The following LUC7L2 variants were observed in gnomAD, a reference collection of about 807,000 sequenced individuals.
LUC7L2 encodes the protein putative RNA-binding protein Luc7-like 2.
Under a neutral mutation model 52.8 loss-of-function variants are expected in LUC7L2, and 25 were observed. That is an observed-to-expected ratio of 0.47 (90% CI 0.34 to 0.66). The LOEUF is 0.66. Among genes scored for constraint, LUC7L2 ranks in the 30% least tolerant of loss-of-function variants. The probability of loss-of-function intolerance (pLI) is 0.01; values close to 1 mark genes in which losing one functional copy is unlikely to be tolerated. For synonymous variants in LUC7L2, 144 were observed against 160.9 expected (o/e 0.89, Z 0.80); for missense variants, 328 against 497.8 (o/e 0.66, Z 3.25).
intron 1 of LUC7L2, among the ~76,000 whole-genome samples, chr7:139,353,357 GTTAC>G (rs2131160436): frequency 6.6e-6 from 1 of 152,276 alleles, no homozygotes; most frequent in South Asian, 2.1e-4. Context: ...AGCAAAACAT[GTTAC>G]TTGTACCTAT....
intron 1 of LUC7L2, among the ~76,000 whole-genome samples, chr7:139,340,831 C>CTTT (rs112287672): frequency 3.4e-5 from 5 of 145,258 alleles, no homozygotes; most frequent in African/African-American, 7.6e-5. Context: ...GCCAACTTTA[C>CTTT]TTTTTTTTTT....
At chr7:139,418,713 C>G (rs542721502) in intron 9 of LUC7L2, among the ~76,000 whole-genome samples, 23 of 151,942 alleles carry the variant, frequency 1.5e-4, no homozygotes, top group African/African-American at 5.1e-4. Flanking sequence ...TTTAGTATTT[C>G]TTAAGGTGAT....
At position 139,406,965 on chromosome 7, in the gene LUC7L2, C is replaced by A. The variant is rs192524433; in HGVS notation, c.511-209C>A. On this transcript the variant is annotated intron_variant, in intron 5 of 9. Coordinates refer to ENST00000354926, the MANE Select transcript of LUC7L2 (RefSeq NM_016019.5). ...GATAGAGGATGGGGATAAAGGGAACCTATAATTTTCATAACAAAATAGCCA... is the reference window on the plus strand; with the variant it reads ...GATAGAGGATGGGGATAAAGGGAACATATAATTTTCATAACAAAATAGCCA... Among the ~76,000 whole-genome samples, 10 of 138,266 alleles carry A rather than the reference C, an allele frequency of 7.2e-5. No homozygotes were observed. In the East Asian group the frequency reaches 2.0e-3, roughly 28 times the overall value. The allele number at this position is 138,266 out of a possible 152,430, so 90.7% of individuals were successfully genotyped here.
intron 1 of LUC7L2, among the ~76,000 whole-genome samples, chr7:139,343,202 A>G (rs1025017929): frequency 3.3e-5 from 5 of 152,238 alleles, no homozygotes; most frequent in African/African-American, 1.2e-4. Context: ...TTGGGCTTAT[A>G]TATTAATAGA....
intron 1 of LUC7L2, among the ~76,000 whole-genome samples, chr7:139,369,754 T>G (rs1409724829): frequency 6.6e-6 from 1 of 152,204 alleles, no homozygotes; most frequent in African/African-American, 2.4e-5. Flanking sequence ...TTCTGGAGAT[T>G]TCTTCTACAG....
chr7:139,374,763 A>G (rs867928200), intron 1 of LUC7L2: 1 of 1,205,552 alleles, frequency 8.3e-7, no homozygotes, highest in Non-Finnish European at 1.0e-6. Context: ...CGTTAAAACA[A>G]TTTGAACAAA....
At chr7:139,347,097 T>C (rs1054379529) in intron 1 of LUC7L2, among the ~76,000 whole-genome samples, 10 of 152,196 alleles carry the variant, frequency 6.6e-5, no homozygotes, top group Non-Finnish European at 1.3e-4. Flanking sequence ...CAACACTTAT[T>C]TACCTTTGGC....
intron 2 of LUC7L2, among the ~76,000 whole-genome samples, chr7:139,384,241 T>G (rs1794090558): frequency 6.6e-6 from 1 of 151,760 alleles, no homozygotes; most frequent in Non-Finnish European, 1.5e-5. Context: ...AGATCTGATG[T>G]TTTTGGCATT....
intron 8 of LUC7L2, among the ~76,000 whole-genome samples, chr7:139,413,710 G>A (rs1795470070): frequency 2.0e-5 from 3 of 152,124 alleles, no homozygotes; most frequent in African/African-American, 7.2e-5. Flanking sequence ...CCCAGGAGGT[G>A]GAGGTTACAG....
At chr7:139,354,355 G>A (rs554654493) in intron 1 of LUC7L2, among the ~76,000 whole-genome samples, 2 of 152,074 alleles carry the variant, frequency 1.3e-5, no homozygotes, top group Admixed American at 6.6e-5. Context: ...CTGGCATGAT[G>A]GCATTTGTCA....
intron 4 of LUC7L2, among the ~76,000 whole-genome samples, chr7:139,404,282 G>A (rs1169226426): frequency 6.6e-6 from 1 of 152,156 alleles, no homozygotes; most frequent in Non-Finnish European, 1.5e-5. Context: ...GGCCAAGGTG[G>A]GTGGACCACT....
chr7:139,399,449 ATTTTTTTTTTTTTTTTTTTTTTTTTT>A (rs71169090), intron 3 of LUC7L2, among the ~76,000 whole-genome samples: 1 of 50,444 alleles, frequency 2.0e-5, no homozygotes, highest in Admixed American at 2.8e-4. Context: ...TGTTTGGGGG[ATTTTTTTTTTTTTTTTTTTTTTTTTT>A]TTTTTTTTTT....
At chr7:139,380,728 G>A (rs548489215) in intron 2 of LUC7L2, among the ~76,000 whole-genome samples, 1 of 152,194 alleles carries the variant, frequency 6.6e-6, no homozygotes, top group African/African-American at 2.4e-5. Flanking sequence ...TAGGCAGTAT[G>A]CCCTTTCAGA....
upstream of LUC7L2, chr7:139,359,573 GC>G (rs547519777): frequency 7.5e-4 from 276 of 368,446 alleles, 2 homozygotes; most frequent in African/African-American, 5.4e-3. Context: ...CTTACTTTCC[GC>G]CCAGGCTAAC....
rs372616311 is a variant in LUC7L2, at chr7:139,340,692, T to C, written c.-26+175T>C. 7.6e-6 allele frequency: 3 copies of C among 392,548 alleles called. No homozygotes were observed. In the South Asian group the frequency reaches 4.3e-4, roughly 56 times the overall value. The allele number at this position is 392,548 out of a possible 1,614,324, so 24.3% of individuals were successfully genotyped here. ...TGAATATGTTGTGTGAGCGCGTCGTTTGCAGAAGCCCCAGTGGCCTAATGG... is the reference window on the plus strand; with the variant it reads ...TGAATATGTTGTGTGAGCGCGTCGTCTGCAGAAGCCCCAGTGGCCTAATGG... On this transcript the variant is annotated intron_variant, in intron 1 of 10. Coordinates refer to the LUC7L2 transcript ENST00000541170.
At chr7:139,383,632 T>C (rs1288696427) in intron 2 of LUC7L2, among the ~76,000 whole-genome samples, 1 of 151,738 alleles carries the variant, frequency 6.6e-6, no homozygotes, top group Admixed American at 6.6e-5. Context: ...GCCAGGCTGG[T>C]CTTGAACTCC....
At chr7:139,357,541 A>G (rs529012543), upstream of LUC7L2, among the ~76,000 whole-genome samples, 10 of 152,306 alleles carry the variant, frequency 6.6e-5, no homozygotes, top group South Asian at 2.1e-3. Flanking sequence ...ATAATAGTGT[A>G]TCCCTCAAAG....
At chr7:139,409,792 G>C (rs1396887391) in intron 7 of LUC7L2, 138 bp downstream of exon 7, 4 of 1,269,600 alleles carry the variant, frequency 3.2e-6, no homozygotes, top group East Asian at 2.7e-5. Flanking sequence ...AAATATTACT[G>C]TGCGAATTAT....
rs1795939031 is a variant in LUC7L2 at position 139,422,248 on chromosome 7, G to A, written c.1087G>A (p.Asp363Asn). 6.2e-7 allele frequency: 1 copy of A among 1,614,106 alleles called. No homozygotes were observed. Among genetic ancestry groups the A allele is most frequent in the Non-Finnish European group, 8.5e-7 (1 of 1,180,050 alleles). The change falls in exon 10 of 10, where the codon GAT becomes AAT. Residue 363 changes from aspartate to asparagine, a missense_variant. This residue lies in a region of LUC7L2 where 195 missense variants were observed against 223.3 expected (regional missense o/e 0.87). Transcript: ENST00000354926. ...SSRDRSPRDR[D>N]RKDKKRSYES... The stretch of plus-strand genomic sequence containing the variant: ...AAGAGACAGATCACCTCGTGACAGA[G>A]ATCGGAAAGATAAGAAGCGGTCCTA...
Sources: allele counts gnomAD v4.1 joint callset (sites outside exome capture counted in the v4.1 genomes callset), GRCh38; gene constraint gnomAD v4.1.1; regional missense constraint gnomAD v4.1.1; transcripts MANE v1.5; gene names NCBI Gene and HGNC (gene_info 2026-07-23, HGNC 2026-07-21).